SLC1A6: variants seen among roughly 807,000 people sequenced by gnomAD.
The protein encoded by SLC1A6 is excitatory amino acid transporter 4.
Under a neutral mutation model 42.1 loss-of-function variants are expected in SLC1A6, and 15 were observed. The observed-to-expected ratio is 0.36, with a 90% CI of 0.24 to 0.55. The LOEUF (loss-of-function observed/expected upper bound fraction) is 0.55. Ranked by LOEUF, SLC1A6 falls within the 20% of genes least tolerant of loss-of-function variation. The pLI is 0.88. For synonymous variants in SLC1A6, 317 were observed against 319.7 expected, an observed-to-expected ratio of 0.99 and a Z score of 0.09; for missense variants, 542 against 772.5, an observed-to-expected ratio of 0.70 and a Z score of 3.54.
At position 14,950,529 on chromosome 19, in the gene SLC1A6, A is replaced by T; in HGVS notation, c.1500-139T>A. On this transcript the variant is annotated intron_variant, in intron 9 of 9. Coordinates refer to ENST00000594383, the MANE Select transcript of SLC1A6 (RefSeq NM_005071.3). ...TACAATCCATGACCACATGTCCCCA[A>T]GCAGGTTCTTCCCCCTCTCTGCCCT... The T allele has an allele frequency of 5.8e-6, 3 of 514,684 alleles. No individual in the cohort carries two copies. In the South Asian group the frequency reaches 1.3e-4, roughly 23 times the overall value. 31.9% of individuals were successfully genotyped at this position (514,684 alleles called of 1,614,324 possible).
chr19:14,969,689 A>G (rs1296959375), intron 3 of SLC1A6, among the ~76,000 whole-genome samples: 1 of 152,162 alleles, frequency 6.6e-6, no homozygotes, highest in Middle Eastern at 3.2e-3. Flanking sequence ...AACCCAACCT[A>G]AGAAGCCATT....
rs768996035 is a variant in SLC1A6, at chr19:14,971,829, C to A, written c.251G>T (p.Arg84Leu). The change falls in exon 3 of 10, where the codon CGC (arginine) becomes CTC (leucine). Residue 84 changes from arginine to leucine, a missense_variant. Arg to Leu is a moderately radical substitution (Grantham distance 102, BLOSUM62 -2). Around this residue, in one of 6 missense-constraint regions of SLC1A6, gnomAD observed 25 missense variants for 32.3 expected, o/e 0.77. Coordinates refer to ENST00000594383, the MANE Select transcript of SLC1A6 (RefSeq NM_005071.3). Reference protein sequence around the residue: ...FALRPYQLTYRQIKYFSFPGE... With the variant: ...FALRPYQLTYLQIKYFSFPGE... ...AGGAAAAGAGAAGTACTTGATCTGG[C>A]GGTAGGTGAGCTGATATGGGCGCAG... 2.5e-6 allele frequency: 4 copies of A among 1,614,138 alleles called. No homozygotes were observed. Among genetic ancestry groups the A allele is most frequent in the Non-Finnish European group, 3.4e-6 (4 of 1,180,010 alleles).
intron 1 of SLC1A6, among the ~76,000 whole-genome samples, chr19:15,000,814 A>G (rs1000224054): frequency 6.6e-6 from 1 of 152,202 alleles, no homozygotes; most frequent in African/African-American, 2.4e-5. Flanking sequence ...AACCCACTCC[A>G]GTACCACCTT....
At chr19:14,982,666 A>G (rs1407022227), upstream of SLC1A6, among the ~76,000 whole-genome samples, 4 of 152,238 alleles carry the variant, frequency 2.6e-5, no homozygotes, top group Admixed American at 6.5e-5. Context: ...AAGTCAAGGG[A>G]GCATATGGGA....
chr19:15,008,736 C>A (rs938804597), intron 1 of SLC1A6, among the ~76,000 whole-genome samples: 3 of 151,962 alleles, frequency 2.0e-5, no homozygotes, highest in African/African-American at 4.8e-5. Flanking sequence ...GTAATCTCAG[C>A]ATTTTGGGAG....
intron 9 of SLC1A6, among the ~76,000 whole-genome samples, chr19:14,951,663 C>G (rs1467996261): frequency 1.3e-5 from 2 of 152,024 alleles, no homozygotes; most frequent in Non-Finnish European, 2.9e-5. Context: ...ATTATAGGCG[C>G]CCACCACTAG....
chr19:14,955,316 G>A (rs1400576510), intron 7 of SLC1A6, among the ~76,000 whole-genome samples: 9 of 152,086 alleles, frequency 5.9e-5, no homozygotes, highest in Admixed American at 4.6e-4. Context: ...GCAGTGGTTC[G>A]TGCCTGTAAT....
intron 1 of SLC1A6, among the ~76,000 whole-genome samples, chr19:14,986,027 T>C (rs1225768159): frequency 2.6e-5 from 4 of 151,328 alleles, no homozygotes; most frequent in Non-Finnish European, 4.4e-5. Context: ...CTGAGGTTTG[T>C]CTGTCTAAAA....
intron 6 of SLC1A6, among the ~76,000 whole-genome samples, chr19:14,959,809 G>A (rs1414954763): frequency 6.6e-6 from 1 of 152,178 alleles, no homozygotes; most frequent in Non-Finnish European, 1.5e-5. Context: ...CTGTCAAGAC[G>A]CAGTTAACAG....
chr19:14,956,738 G>T, intron 6 of SLC1A6, 29 bp from the exon 7 acceptor site: 1 of 1,504,844 alleles, frequency 6.6e-7, no homozygotes, highest in Admixed American at 1.7e-5. Flanking sequence ...TACCTGTCAG[G>T]GCTCCCTCCT....
At chr19:14,993,897 T>C (rs11085929) in intron 1 of SLC1A6, among the ~76,000 whole-genome samples, 128,143 of 151,214 alleles carry the variant, frequency 0.85, 54,321 homozygotes, top group East Asian at 0.92. Context: ...AGCTTGTAGA[T>C]AAGATGCTTG....
At chr19:14,983,719 CA>C (rs56657572), upstream of SLC1A6, among the ~76,000 whole-genome samples, 772 of 52,288 alleles carry the variant, frequency 0.015, 1 homozygote, top group African/African-American at 0.022. Flanking sequence ...ACAACAACAC[CA>C]AAAAAAAAAA....
In SLC1A6 at chr19:14,956,532, GA is replaced by G; in HGVS notation, c.1112del (p.Phe371SerfsTer136). ...CTTGTAGCATGCCCCCAATGAAGGG[GA>G]AGGGGTTCCGGTGAGTGACGAGGAA... ...IYFLVTHRNP[F>X]PFIGGMLQAL... On this transcript the variant is annotated frameshift_variant, in exon 7 of 10. Transcript: ENST00000594383. LOFTEE classifies it high-confidence loss of function. The G allele has an allele frequency of 6.2e-7, 1 of 1,611,676 alleles. No homozygotes were observed. Among genetic ancestry groups the G allele is most frequent in the Non-Finnish European group, 8.5e-7 (1 of 1,178,688 alleles).
In SLC1A6 at chr19:14,962,190, C is replaced by T. The variant is rs777137606; in HGVS notation, c.747G>A (p.Glu249=). The T allele has an allele frequency of 1.2e-6, 2 of 1,614,212 alleles. No individual in the cohort carries two copies. The highest frequency in any genetic ancestry group is 1.1e-5 in the South Asian group (1 of 91,088). ...GTACAGTCTCCTCAAAGCTCAGCATCTCCTGCAGGGTACCCAAGGCCCGAG... is the reference window on the plus strand; with the variant it reads ...GTACAGTCTCCTCAAAGCTCAGCATTTCCTGCAGGGTACCCAAGGCCCGAG... ...NVTRALGTLQ[E]MLSFEETVPV... is the part of the protein sequence containing the mutation. The change falls in exon 6 of 10, where the codon GAG becomes GAA. Residue 249 remains glutamate, a synonymous_variant. Coordinates refer to ENST00000594383, the MANE Select transcript of SLC1A6 (RefSeq NM_005071.3).
chr19:14,959,816 A>G (rs1231556801), intron 6 of SLC1A6, among the ~76,000 whole-genome samples: 1 of 152,238 alleles, frequency 6.6e-6, no homozygotes, highest in East Asian at 1.9e-4. Flanking sequence ...GACGCAGTTA[A>G]CAGGTGACCT....
chr19:15,005,269 A>G (rs946352900), intron 1 of SLC1A6, among the ~76,000 whole-genome samples: 19 of 151,860 alleles, frequency 1.3e-4, no homozygotes, highest in African/African-American at 4.1e-4. Flanking sequence ...CAAAAAAAAA[A>G]AAAAAAAAGC....
In SLC1A6 at chr19:14,954,247, C is replaced by T; in HGVS notation, c.1252G>A (p.Val418Met). 3 of 1,614,100 alleles carry T rather than the reference C, an allele frequency of 1.9e-6. No individual in the cohort carries two copies. Among genetic ancestry groups the T allele is most frequent in the East Asian group, 2.2e-5 (1 of 44,882 alleles). ...DRRITRFVLP[V>M]GATVNMDGTA... The stretch of plus-strand genomic sequence containing the variant: ...CCATCCATGTTGACCGTGGCGCCCA[C>T]GGGCAGGACGAACCTGGTGATGCGG... Residue 418 changes from valine (V) to methionine (M), a missense_variant, in exon 8 of 10, where the codon GTG becomes ATG. By Grantham distance (21) the Val-to-Met change is conservative. This residue lies in a region of SLC1A6 where 54 missense variants were observed against 125.1 expected (regional missense o/e 0.43). Transcript: ENST00000594383.
chr19:14,993,760 A>G (rs1183680541), intron 1 of SLC1A6, among the ~76,000 whole-genome samples: 1 of 152,192 alleles, frequency 6.6e-6, no homozygotes, highest in Admixed American at 6.5e-5. Flanking sequence ...CAGGGGCTGG[A>G]GGGAAAGTTT....
chr19:15,002,964 A>ATTTTGTTGTTGTTGTCGT, intron 1 of SLC1A6, among the ~76,000 whole-genome samples: 1 of 150,814 alleles, frequency 6.6e-6, no homozygotes, highest in Admixed American at 6.6e-5. Flanking sequence ...TTTTTGTGGG[A>ATTTTGTTGTTGTTGTCGT]TGTTGTTGTT....
Sources: gnomAD v4.1 joint callset for allele counts (sites outside exome capture counted in the v4.1 genomes callset) on GRCh38, gnomAD v4.1.1 for gene constraint, gnomAD v4.1.1 regional missense constraint, MANE v1.5 for transcripts, NCBI Gene and HGNC (gene_info 2026-07-23, HGNC 2026-07-21) for gene names.